Variants in HDAC4 observed in about 807,000 individuals in gnomAD.
HDAC4 encodes the protein histone deacetylase 4.
Under a neutral mutation model 135.1 loss-of-function variants are expected in HDAC4, and 16 were observed. That is an observed-to-expected ratio of 0.12 (90% CI 0.08 to 0.18). The LOEUF (loss-of-function observed/expected upper bound fraction) is 0.18. Among genes scored for constraint, HDAC4 ranks in the 10% least tolerant of loss-of-function variants. The pLI is 1.00. For synonymous variants in HDAC4, 685 were observed against 653.4 expected (o/e 1.05, Z -0.74); for missense variants, 1,143 against 1,511.8 (o/e 0.76, Z 4.05).
At chr2:239,095,152 G>C in intron 16 of HDAC4, 96 bp from the exon 17 acceptor site, 1 of 1,290,620 alleles carries the variant, frequency 7.7e-7, no homozygotes, top group Non-Finnish European at 1.1e-6. Context: ...AGTGGCACTT[G>C]GGCATTTGTG....
intron 3 of HDAC4, among the ~76,000 whole-genome samples, chr2:239,201,629 C>T (rs1034020575): frequency 5.3e-5 from 8 of 152,248 alleles, no homozygotes; most frequent in Middle Eastern, 3.4e-3. Context: ...AAGGCCGAGA[C>T]AACAGCCCCA....
chr2:239,328,914 G>A lies in HDAC4; in HGVS notation c.22+23764C>T, dbSNP rs931003192. 1.2e-4 allele frequency among the ~76,000 whole-genome samples: 18 copies of A among 152,346 alleles called. 1 individual carries two copies. The highest frequency in any genetic ancestry group is 3.4e-3 in the Middle Eastern group (1 of 294). On this transcript the variant is annotated intron_variant, in intron 2 of 26. Transcript: ENST00000543185. Reference sequence around the variant, plus strand: ...CGATTTACTGACGCAAGAGCTCCCCGAAGCAGCATGCCAGAAATTAATCAA... The same window carrying A: ...CGATTTACTGACGCAAGAGCTCCCCAAAGCAGCATGCCAGAAATTAATCAA...
intron 12 of HDAC4, among the ~76,000 whole-genome samples, chr2:239,119,528 T>C (rs1354314804): frequency 1.4e-5 from 2 of 144,414 alleles, no homozygotes; most frequent in Non-Finnish European, 3.0e-5. Context: ...AGCTCAGAGC[T>C]GAGGGTGTGG....
intron 1 of HDAC4, among the ~76,000 whole-genome samples, chr2:239,373,843 A>T (rs1694805142): frequency 6.6e-6 from 1 of 152,204 alleles, no homozygotes; most frequent in Non-Finnish European, 1.5e-5. Context: ...CCGCTTCTAG[A>T]GATCCGGGGT....
At chr2:239,140,512 C>T (rs999669303) in intron 8 of HDAC4, among the ~76,000 whole-genome samples, 6 of 152,150 alleles carry the variant, frequency 3.9e-5, no homozygotes, top group Admixed American at 2.6e-4. Context: ...CTGAGGCTCT[C>T]GATATTCACA....
chr2:239,365,436 T>C (rs1440442836), intron 1 of HDAC4, among the ~76,000 whole-genome samples: 1 of 152,242 alleles, frequency 6.6e-6, no homozygotes, highest in Admixed American at 6.5e-5. Context: ...TCTGCTGAGC[T>C]GAGGCCACCA....
chr2:239,343,863 C>T (rs1456690102), intron 2 of HDAC4, among the ~76,000 whole-genome samples: 1 of 142,868 alleles, frequency 7.0e-6, no homozygotes, highest in African/African-American at 2.7e-5. Flanking sequence ...TACCTAAGCA[C>T]TCGATAGCAG....
At position 239,352,899 on chromosome 2, in the gene HDAC4, GC is replaced by G; in HGVS notation, c.-201del. ...ACCCACAAGTTGAACAGAGGCGTCC[GC>G]TGGCTTCTGCAGATGAACCTGCAAG... is the stretch of plus-strand genomic sequence containing the variant. On this transcript the variant is annotated 5_prime_UTR_variant, in exon 2 of 27. An upstream open reading frame in the 5' UTR loses its in-frame stop. Coordinates refer to ENST00000543185, the MANE Select transcript of HDAC4 (RefSeq NM_001378414.1). This position sits in a 1 kb window ranked among gnomAD's most constrained non-coding sequence, Gnocchi z 4.4. 3.3e-6 allele frequency: 2 copies of G among 612,074 alleles called. No individual in the cohort carries two copies. Among genetic ancestry groups the G allele is most frequent in the Non-Finnish European group, 5.9e-6 (2 of 340,234 alleles). 37.9% of individuals were successfully genotyped at this position (612,074 alleles called of 1,614,324 possible). A position where few individuals can be genotyped will look rare whatever the true frequency, so the allele number is the denominator to read the frequency against.
intron 7 of HDAC4, among the ~76,000 whole-genome samples, chr2:239,152,444 C>T (rs1055869921): frequency 2.6e-5 from 4 of 152,210 alleles, no homozygotes; most frequent in African/African-American, 9.6e-5. Flanking sequence ...CGAAATCTGG[C>T]GGGAGGTGAA....
In HDAC4 at chr2:239,261,776, C is replaced by A. The variant is rs185971552; in HGVS notation, c.23-25112G>T. On this transcript the variant is annotated intron_variant, in intron 2 of 26. Coordinates refer to ENST00000543185, the MANE Select transcript of HDAC4 (RefSeq NM_001378414.1). Reference sequence around the variant, plus strand: ...AGTGGGCTGGTCCACTCTTAGAAGGCGAGGTTTCCAACTCAAACCACCCCA... The same window carrying A: ...AGTGGGCTGGTCCACTCTTAGAAGGAGAGGTTTCCAACTCAAACCACCCCA... Among the ~76,000 whole-genome samples the A allele has an allele frequency of 2.0e-5, 3 of 151,824 alleles. No homozygotes were observed. The East Asian group carries it at 5.8e-4, about 29-fold the overall frequency.
intron 3 of HDAC4, among the ~76,000 whole-genome samples, chr2:239,191,986 TTC>T (rs1451626241): frequency 6.6e-6 from 1 of 152,262 alleles, no homozygotes; most frequent in Admixed American, 6.5e-5. Flanking sequence ...CTCTGACTGT[TTC>T]TGTTTCTTTC....
At chr2:239,367,764 G>T (rs962650927) in intron 1 of HDAC4, among the ~76,000 whole-genome samples, 4 of 152,116 alleles carry the variant, frequency 2.6e-5, no homozygotes, top group Non-Finnish European at 5.9e-5. Context: ...GAGGCCGGTG[G>T]ATCACCTGAG....
At chr2:239,095,237 G>A (rs1037503275) in intron 16 of HDAC4, among the ~76,000 whole-genome samples, 181 bp from the exon 17 acceptor site, 3 of 152,060 alleles carry the variant, frequency 2.0e-5, no homozygotes, top group Non-Finnish European at 2.9e-5. Context: ...GGCCCTTAGA[G>A]GTGCCTTGAC....
At chr2:239,368,720 C>A (rs560183257) in intron 1 of HDAC4, among the ~76,000 whole-genome samples, 27 of 152,228 alleles carry the variant, frequency 1.8e-4, no homozygotes, top group African/African-American at 6.5e-4. Flanking sequence ...GAGACCTGGG[C>A]AGGCAGCCCT....
At chr2:239,081,030 T>G in intron 22 of HDAC4, 65 bp downstream of exon 22, 1 of 1,262,454 alleles carries the variant, frequency 7.9e-7, no homozygotes, top group South Asian at 1.2e-5. Flanking sequence ...AACAAGTGCT[T>G]CCTGGAATGT....
At chr2:239,087,839 C>T (rs1293461947) in intron 18 of HDAC4, among the ~76,000 whole-genome samples, 1 of 144,102 alleles carries the variant, frequency 6.9e-6, no homozygotes, top group Non-Finnish European at 1.5e-5. Flanking sequence ...ACTAATGGTT[C>T]CCCCGAAACG....
At chr2:239,109,084 C>G (rs1214882372) in intron 14 of HDAC4, among the ~76,000 whole-genome samples, 2 of 152,254 alleles carry the variant, frequency 1.3e-5, no homozygotes, top group Admixed American at 6.5e-5. Flanking sequence ...AGCTCTGCCC[C>G]GGCCCCTTCT....
intron 1 of HDAC4, among the ~76,000 whole-genome samples, chr2:239,370,464 C>T (rs1320338255): frequency 1.3e-5 from 2 of 152,220 alleles, no homozygotes; most frequent in Admixed American, 1.3e-4. Context: ...TGCCCAGAGA[C>T]AGACCAAACC....
intron 24 of HDAC4, among the ~76,000 whole-genome samples, chr2:239,059,368 G>A (rs1257692162): frequency 6.6e-6 from 1 of 152,200 alleles, no homozygotes; most frequent in Non-Finnish European, 1.5e-5. Context: ...GTTGAAAACT[G>A]ATTCTCGGAA....
Sources: allele counts gnomAD v4.1 joint callset (sites outside exome capture counted in the v4.1 genomes callset), GRCh38; gene constraint gnomAD v4.1.1; non-coding constraint Gnocchi (gnomAD v3.1); transcripts MANE v1.5; gene names NCBI Gene and HGNC (gene_info 2026-07-23, HGNC 2026-07-21).